The following CSMD1 variants were observed in gnomAD, a reference collection of about 807,000 sequenced individuals.
CSMD1 encodes CUB and Sushi multiple domains 1, also known as CUB and sushi domain-containing protein 1.
In CSMD1, 213 loss-of-function variants were observed where a neutral mutation model predicts 417.5. The observed-to-expected ratio is 0.51, with a 90% CI of 0.46 to 0.57. CSMD1 has a LOEUF of 0.57. CSMD1 is among the 20% of genes least tolerant of loss of function. CSMD1 has a pLI of 0.00. For missense variants in CSMD1, 6,923 were observed against 4,529.7 expected (o/e 1.53, Z -15.17); for synonymous variants, 2,862 against 1,736.8 (o/e 1.65, Z -16.11).
intron 1 of CSMD1, among the ~76,000 whole-genome samples, chr8:4,752,701 G>T (rs1297302228): frequency 2.6e-5 from 4 of 152,156 alleles, no homozygotes; most frequent in Non-Finnish European, 5.9e-5. Flanking sequence ...TCTACACAGG[G>T]GTGGTTTACC....
At chr8:4,528,262 G>A (rs984232303) in intron 2 of CSMD1, among the ~76,000 whole-genome samples, 3 of 152,086 alleles carry the variant, frequency 2.0e-5, no homozygotes, top group Non-Finnish European at 4.4e-5. Flanking sequence ...AGCCCCACAA[G>A]TCCAATTAAT....
chr8:4,337,356 T>G (rs755186161), intron 3 of CSMD1, among the ~76,000 whole-genome samples: 3 of 152,078 alleles, frequency 2.0e-5, no homozygotes, highest in Non-Finnish European at 4.4e-5. Context: ...TGTTGCAAAC[T>G]TCCACCTAAG....
At chr8:4,254,677 G>A (rs141698149) in intron 3 of CSMD1, among the ~76,000 whole-genome samples, 100 of 152,156 alleles carry the variant, frequency 6.6e-4, no homozygotes, top group African/African-American at 1.7e-3. Flanking sequence ...CCATTCTTAC[G>A]TTTCACTCCA....
chr8:3,295,885 A>G (rs1423547480), intron 25 of CSMD1, among the ~76,000 whole-genome samples: 2 of 152,138 alleles, frequency 1.3e-5, no homozygotes, highest in African/African-American at 2.4e-5. Flanking sequence ...CAATAATTCA[A>G]CATTTACTCG....
intron 23 of CSMD1, among the ~76,000 whole-genome samples, chr8:3,329,460 T>C (rs1806748971): frequency 6.6e-6 from 1 of 152,134 alleles, no homozygotes; most frequent in Non-Finnish European, 1.5e-5. Flanking sequence ...GCATATATGA[T>C]GAACGGGGAA....
chr8:3,343,577 C>T, intron 22 of CSMD1, 127 bp from the exon 23 acceptor site: 2 of 785,288 alleles, frequency 2.5e-6, no homozygotes, highest in Non-Finnish European at 3.9e-6. Context: ...ATATAGTTTA[C>T]AGAAAGATAA....
At chr8:4,083,963 C>G (rs533392425) in intron 3 of CSMD1, among the ~76,000 whole-genome samples, 1 of 152,074 alleles carries the variant, frequency 6.6e-6, no homozygotes, top group Non-Finnish European at 1.5e-5. Context: ...GGGCTAATAT[C>G]CAGAATCTAC....
intron 55 of CSMD1, among the ~76,000 whole-genome samples, chr8:2,976,412 G>C (rs879470417): frequency 6.6e-6 from 1 of 152,122 alleles, no homozygotes; most frequent in Non-Finnish European, 1.5e-5. Flanking sequence ...GGCCAGCCTG[G>C]AGTGCAGTGG....
chr8:3,873,958 C>T (rs1029607775), intron 5 of CSMD1, among the ~76,000 whole-genome samples: 11 of 152,170 alleles, frequency 7.2e-5, no homozygotes, highest in Middle Eastern at 3.2e-3. Flanking sequence ...ACAGTGCAGT[C>T]TTGAGGGCTG....
chr8:3,402,464 G>C (rs930907156), intron 15 of CSMD1, among the ~76,000 whole-genome samples: 3 of 152,014 alleles, frequency 2.0e-5, no homozygotes, highest in Non-Finnish European at 4.4e-5. Context: ...GCTGCATTGA[G>C]GAATACGAGC....
chr8:3,357,372 A>G (rs1180914361), intron 21 of CSMD1, among the ~76,000 whole-genome samples: 1 of 152,194 alleles, frequency 6.6e-6, no homozygotes, highest in Non-Finnish European at 1.5e-5. Context: ...GTAACAGGGA[A>G]CTGTCCATCA....
chr8:4,312,912 T>C (rs1253210843), intron 3 of CSMD1, among the ~76,000 whole-genome samples: 1 of 151,978 alleles, frequency 6.6e-6, no homozygotes, highest in African/African-American at 2.4e-5. Flanking sequence ...GCAAAAACAA[T>C]AACACTGATT....
At chr8:4,426,404 A>G (rs1797557198) in intron 2 of CSMD1, among the ~76,000 whole-genome samples, 1 of 149,272 alleles carries the variant, frequency 6.7e-6, no homozygotes, top group African/African-American at 2.4e-5. Context: ...ACCTTTTTAT[A>G]TACTATATAT....
At chr8:3,385,069 AAT>A (rs1160799452) in intron 18 of CSMD1, among the ~76,000 whole-genome samples, 17 of 116,106 alleles carry the variant, frequency 1.5e-4, no homozygotes, top group Admixed American at 2.3e-4. Context: ...ATAATATATA[AAT>A]ATATATATAA....
At chr8:4,484,980 C>CGAAA (rs1801295975) in intron 2 of CSMD1, among the ~76,000 whole-genome samples, 1 of 53,918 alleles carries the variant, frequency 1.9e-5, no homozygotes, top group East Asian at 7.9e-4. Flanking sequence ...GACTCTGCCT[C>CGAAA]AAAAAAAAAA....
intron 2 of CSMD1, among the ~76,000 whole-genome samples, chr8:4,608,726 T>A (rs554549412): frequency 1.3e-5 from 2 of 152,306 alleles, no homozygotes; most frequent in South Asian, 4.1e-4. Flanking sequence ...AGAAGTGAAG[T>A]CTGTGACGAT....
rs563500281 is a variant in CSMD1 at position 3,948,485 on chromosome 8, G to C, written c.818+49418C>G. ...TTCTTTGGCAGGGAAATTTTCTCCAGAAGTTGTTTTGAATAGTTTGTCTTC... is the reference window on the plus strand; with the variant it reads ...TTCTTTGGCAGGGAAATTTTCTCCACAAGTTGTTTTGAATAGTTTGTCTTC... On this transcript the variant is annotated intron_variant, in intron 5 of 69. Coordinates refer to ENST00000635120, the MANE Select transcript of CSMD1 (RefSeq NM_033225.6). Among the ~76,000 whole-genome samples the C allele has an allele frequency of 3.9e-5, 6 of 152,166 alleles. 1 individual carries two copies. In the South Asian group the frequency reaches 1.2e-3, roughly 32 times the overall value.
intron 2 of CSMD1, among the ~76,000 whole-genome samples, chr8:4,431,529 C>A (rs892047587): frequency 6.6e-6 from 1 of 151,766 alleles, no homozygotes; most frequent in African/African-American, 2.4e-5. Context: ...CACTTTATAA[C>A]ACCCGACCCT....
chr8:3,378,912 G>C (rs1293498904), intron 18 of CSMD1, among the ~76,000 whole-genome samples: 1 of 152,204 alleles, frequency 6.6e-6, no homozygotes, highest in African/African-American at 2.4e-5. Context: ...TCAGGCAAGA[G>C]AAAGAAAGAA....
Sources: gnomAD v4.1 joint callset for allele counts (sites outside exome capture counted in the v4.1 genomes callset) on GRCh38, gnomAD v4.1.1 for gene constraint, MANE v1.5 for transcripts, NCBI Gene and HGNC (gene_info 2026-07-23, HGNC 2026-07-21) for gene names.